Variants in OCA2 observed in about 807,000 individuals in gnomAD.
The protein encoded by OCA2 is P protein.
Under a neutral mutation model 100.2 loss-of-function variants are expected in OCA2, and 77 were observed. That is an observed-to-expected ratio of 0.77 (90% CI 0.64 to 0.93). The LOEUF is 0.93. Ranked by LOEUF, OCA2 falls within the 40% of genes least tolerant of loss-of-function variation. The pLI is 0.00. For missense variants in OCA2, 1,062 were observed against 1,089.1 expected, an observed-to-expected ratio of 0.98 and a Z score of 0.35; for synonymous variants, 432 against 439.2, an observed-to-expected ratio of 0.98 and a Z score of 0.21.
At chr15:28,090,790 G>C (rs2044857456) in intron 1 of OCA2, among the ~76,000 whole-genome samples, 1 of 151,956 alleles carries the variant, frequency 6.6e-6, no homozygotes, top group Non-Finnish European at 1.5e-5. Flanking sequence ...AGAAAAAGAA[G>C]AGGAAAATAA....
chr15:28,071,467 C>T (rs1174549644), intron 2 of OCA2, among the ~76,000 whole-genome samples: 1 of 152,180 alleles, frequency 6.6e-6, no homozygotes, highest in African/African-American at 2.4e-5. Flanking sequence ...CCAAGGCAAT[C>T]TTAAAGCAAA....
At chr15:27,925,931 G>A (rs572090887) in intron 19 of OCA2, among the ~76,000 whole-genome samples, 196 bp downstream of exon 19, 94 of 152,178 alleles carry the variant, frequency 6.2e-4, no homozygotes, top group Admixed American at 1.2e-3. Flanking sequence ...AAACAAATAC[G>A]CAGTGCTGTC....
intron 3 of OCA2, among the ~76,000 whole-genome samples, chr15:28,030,600 C>T (rs1477086688): frequency 6.6e-6 from 1 of 152,184 alleles, no homozygotes; most frequent in Non-Finnish European, 1.5e-5. Flanking sequence ...CAGGAATGCA[C>T]ATGGCATGCA....
intron 18 of OCA2, among the ~76,000 whole-genome samples, chr15:27,948,856 G>A (rs1009195073): frequency 5.9e-5 from 9 of 152,142 alleles, no homozygotes; most frequent in African/African-American, 1.7e-4. Context: ...GGTGGCATAC[G>A]ATCTGATTCC....
rs1595582591 is a variant in OCA2, at chr15:27,889,797, C to T, written c.2080-17875G>A. Among the ~76,000 whole-genome samples the T allele has an allele frequency of 2.6e-5, 4 of 152,320 alleles. No homozygotes were observed. In the South Asian group the frequency reaches 8.3e-4, roughly 32 times the overall value. ...GTTTGGTCACTGGCTCTAACTGGTC[C>T]ATGGACAGGCTGGACAGCATCAAGG... On this transcript the variant is annotated intron_variant, in intron 19 of 23. Transcript: ENST00000354638.
At chr15:27,924,515 T>C (rs939268796) in intron 19 of OCA2, among the ~76,000 whole-genome samples, 1 of 152,116 alleles carries the variant, frequency 6.6e-6, no homozygotes, top group Non-Finnish European at 1.5e-5. Context: ...TACGTGACCA[T>C]CAAAGCACAA....
chr15:27,936,005 C>T (rs1053304329), intron 18 of OCA2, among the ~76,000 whole-genome samples: 6 of 152,338 alleles, frequency 3.9e-5, no homozygotes, highest in Middle Eastern at 6.8e-3. Flanking sequence ...GGAAAACCCA[C>T]AGATGGACTG....
At chr15:27,764,830 C>G (rs2031126236) in intron 23 of OCA2, among the ~76,000 whole-genome samples, 1 of 152,066 alleles carries the variant, frequency 6.6e-6, no homozygotes. Flanking sequence ...TGAGGTGAAT[C>G]CATAGAGTAA....
intron 23 of OCA2, among the ~76,000 whole-genome samples, chr15:27,761,184 T>C (rs543513540): frequency 6.6e-6 from 1 of 151,260 alleles, no homozygotes; most frequent in East Asian, 1.9e-4. Flanking sequence ...TCCTAAGAAA[T>C]TGAAAAAAAA....
At chr15:27,890,904 T>C (rs144826033) in intron 19 of OCA2, among the ~76,000 whole-genome samples, 8,411 of 151,998 alleles carry the variant, frequency 0.055, 795 homozygotes, top group African/African-American at 0.19. Flanking sequence ...TGTGCACCTG[T>C]AGTCCCAGCT....
At chr15:27,880,898 T>C (rs555893831) in intron 19 of OCA2, among the ~76,000 whole-genome samples, 20 of 152,338 alleles carry the variant, frequency 1.3e-4, no homozygotes, top group African/African-American at 4.6e-4. Context: ...CTATGTTGAA[T>C]AGGAGTGGTG....
At chr15:27,871,371 C>T in intron 20 of OCA2, 113 bp from the exon 21 acceptor site, 2 of 773,742 alleles carry the variant, frequency 2.6e-6, no homozygotes, top group Non-Finnish European at 4.5e-6. Context: ...TCTTACCCAT[C>T]ACGAGACCAA....
At chr15:27,805,075 C>G (rs1303581776) in intron 23 of OCA2, among the ~76,000 whole-genome samples, 1 of 152,148 alleles carries the variant, frequency 6.6e-6, no homozygotes, top group African/African-American at 2.4e-5. Flanking sequence ...GAGGCCCTGC[C>G]CTGGAGCGAG....
intron 2 of OCA2, among the ~76,000 whole-genome samples, chr15:28,051,750 C>A (rs2043523798): frequency 6.6e-6 from 1 of 151,940 alleles, no homozygotes; most frequent in Admixed American, 6.6e-5. Flanking sequence ...AGCCTCCAGA[C>A]CAGGTGTAGT....
chr15:27,863,702 ACT>A (rs1365708340), intron 21 of OCA2, among the ~76,000 whole-genome samples: 1 of 151,036 alleles, frequency 6.6e-6, no homozygotes, highest in African/African-American at 2.4e-5. Context: ...CTTTTTCACG[ACT>A]CTGTTTCTCT....
chr15:27,737,924 A>C, the OCA2 span, among the ~76,000 whole-genome samples: 30 of 152,346 alleles, frequency 2.0e-4, no homozygotes, highest in East Asian at 2.3e-3. Flanking sequence ...TATGCTCAAC[A>C]TCATCAGTCA....
chr15:27,984,953 C>T, intron 13 of OCA2, 111 bp downstream of exon 13: 1 of 1,317,376 alleles, frequency 7.6e-7, no homozygotes, highest in Non-Finnish European at 1.1e-6. Context: ...GGCTCAACCG[C>T]CCCCACCTTT....
intron 18 of OCA2, among the ~76,000 whole-genome samples, chr15:27,938,681 T>G (rs996967909): frequency 3.3e-5 from 5 of 152,186 alleles, no homozygotes; most frequent in Non-Finnish European, 5.9e-5. Flanking sequence ...TTTTTGTCCT[T>G]GATAAACACA....
intron 2 of OCA2, among the ~76,000 whole-genome samples, chr15:28,046,298 T>C (rs2043345008): frequency 6.6e-6 from 1 of 151,736 alleles, no homozygotes; most frequent in African/African-American, 2.4e-5. Context: ...GTAGGCAGAG[T>C]GTAGGGAAAA....
Sources: allele counts gnomAD v4.1 joint callset (sites outside exome capture counted in the v4.1 genomes callset), GRCh38; gene constraint gnomAD v4.1.1; transcripts MANE v1.5; gene names NCBI Gene and HGNC (gene_info 2026-07-23, HGNC 2026-07-21).